Variants in SH3GL2 observed in about 807,000 individuals in gnomAD.
SH3GL2 encodes the protein SH3 domain containing GRB2 like 2, endophilin A1, also known as endophilin-A1.
In SH3GL2, 24 loss-of-function variants were observed where a neutral mutation model predicts 46.0. The observed-to-expected ratio is 0.52, with a 90% confidence interval of 0.38 to 0.73. SH3GL2 has a LOEUF of 0.73. SH3GL2 is among the 30% of genes least tolerant of loss of function. The pLI is 0.00. For synonymous variants in SH3GL2, 196 were observed against 147.1 expected, an observed-to-expected ratio of 1.33 and a Z score of -2.40; for missense variants, 413 against 424.2, an observed-to-expected ratio of 0.97 and a Z score of 0.23.
At chr9:17,765,336 C>A (rs1013439344) in intron 3 of SH3GL2, among the ~76,000 whole-genome samples, 2 of 147,920 alleles carry the variant, frequency 1.4e-5, no homozygotes, top group African/African-American at 5.0e-5. Context: ...GATTACTGCT[C>A]CTGGGTGCTT....
At chr9:17,612,780 G>A (rs576977528) in intron 1 of SH3GL2, among the ~76,000 whole-genome samples, 3 of 152,240 alleles carry the variant, frequency 2.0e-5, no homozygotes, top group Admixed American at 6.5e-5. Context: ...ATTTTGGAAC[G>A]TTTTTACACC....
intron 1 of SH3GL2, among the ~76,000 whole-genome samples, chr9:17,621,767 A>G (rs571338041): frequency 1.8e-4 from 27 of 152,320 alleles, no homozygotes; most frequent in African/African-American, 5.8e-4. Flanking sequence ...AGTTAAAGCC[A>G]TTACATGGAT....
intron 1 of SH3GL2, among the ~76,000 whole-genome samples, chr9:17,693,412 A>G (rs188511448): frequency 2.1e-3 from 317 of 152,284 alleles, no homozygotes; most frequent in Non-Finnish European, 3.4e-3. Flanking sequence ...TCCAACTTCT[A>G]CTTTCTAGGA....
chr9:17,622,228 A>G (rs918580993), intron 1 of SH3GL2, among the ~76,000 whole-genome samples: 4 of 152,204 alleles, frequency 2.6e-5, no homozygotes, highest in Non-Finnish European at 5.9e-5. Flanking sequence ...GGTACATTAA[A>G]AAAAAGTTTG....
At chr9:17,688,677 C>G (rs1820991278) in intron 1 of SH3GL2, among the ~76,000 whole-genome samples, 1 of 151,962 alleles carries the variant, frequency 6.6e-6, no homozygotes, top group South Asian at 2.1e-4. Context: ...AGAGAACATG[C>G]TGATGGGAGT....
chr9:17,723,531 A>C (rs1483984488), intron 1 of SH3GL2, among the ~76,000 whole-genome samples: 1 of 152,166 alleles, frequency 6.6e-6, no homozygotes, highest in Non-Finnish European at 1.5e-5. Context: ...TTGAGATGAA[A>C]TCTGTTAACT....
At chr9:17,675,101 G>T (rs755007625) in intron 1 of SH3GL2, among the ~76,000 whole-genome samples, 3 of 152,102 alleles carry the variant, frequency 2.0e-5, no homozygotes, top group Non-Finnish European at 4.4e-5. Flanking sequence ...AGCATTTTTT[G>T]TACATTGTTG....
chr9:17,676,562 C>T (rs770120185), intron 1 of SH3GL2, among the ~76,000 whole-genome samples: 94 of 152,216 alleles, frequency 6.2e-4, no homozygotes, highest in Non-Finnish European at 1.1e-3. Context: ...GCTGAGATTG[C>T]ACCACTGCAC....
intron 3 of SH3GL2, among the ~76,000 whole-genome samples, chr9:17,785,425 C>T (rs1015941423): frequency 6.6e-6 from 1 of 152,184 alleles, no homozygotes; most frequent in African/African-American, 2.4e-5. Context: ...TTCAATGCCT[C>T]TAAGACTCAA....
chr9:17,757,902 G>A (rs532456754), intron 2 of SH3GL2, among the ~76,000 whole-genome samples: 1 of 152,244 alleles, frequency 6.6e-6, no homozygotes, highest in South Asian at 2.1e-4. Flanking sequence ...GCACATTCAG[G>A]GGTCTCATGG....
intron 1 of SH3GL2, among the ~76,000 whole-genome samples, chr9:17,616,757 G>A (rs1225051065): frequency 6.6e-6 from 1 of 151,866 alleles, no homozygotes; most frequent in Non-Finnish European, 1.5e-5. Context: ...TGTTAATATA[G>A]CCTGTTGGTT....
At chr9:17,605,220 C>A (rs1588167847) in intron 1 of SH3GL2, among the ~76,000 whole-genome samples, 1 of 152,034 alleles carries the variant, frequency 6.6e-6, no homozygotes, top group Admixed American at 6.6e-5. Flanking sequence ...CTCAAATGAT[C>A]CTCTTGTCTT....
At chr9:17,701,012 C>G (rs1335379992) in intron 1 of SH3GL2, among the ~76,000 whole-genome samples, 1 of 152,162 alleles carries the variant, frequency 6.6e-6, no homozygotes, top group Non-Finnish European at 1.5e-5. Context: ...TTGGGCAACT[C>G]ATTTCATAGT....
intron 1 of SH3GL2, among the ~76,000 whole-genome samples, chr9:17,619,720 T>C (rs1489360279): frequency 6.6e-6 from 1 of 152,184 alleles, no homozygotes; most frequent in Admixed American, 6.5e-5. Context: ...CCATAAATTA[T>C]TTAAACATTC....
At chr9:17,779,328 G>C (rs1006164490) in intron 3 of SH3GL2, among the ~76,000 whole-genome samples, 3 of 152,124 alleles carry the variant, frequency 2.0e-5, no homozygotes, top group African/African-American at 7.2e-5. Flanking sequence ...GGAGACTTAG[G>C]GGTTTCCATC....
intron 1 of SH3GL2, among the ~76,000 whole-genome samples, chr9:17,721,689 TGTA>T (rs780616507): frequency 3.6e-4 from 55 of 152,236 alleles, no homozygotes; most frequent in Non-Finnish European, 5.7e-4. Flanking sequence ...ACTATATATT[TGTA>T]GCTTTGAATC....
At chr9:17,588,063 G>A (rs1170657307) in intron 1 of SH3GL2, among the ~76,000 whole-genome samples, 1 of 152,086 alleles carries the variant, frequency 6.6e-6, no homozygotes, top group Non-Finnish European at 1.5e-5. Flanking sequence ...CTGATACTTT[G>A]GCTTAACCAA....
intron 1 of SH3GL2, among the ~76,000 whole-genome samples, chr9:17,654,225 G>A (rs1820019367): frequency 6.6e-6 from 1 of 152,140 alleles, no homozygotes; most frequent in Admixed American, 6.5e-5. Flanking sequence ...CTCCTGTGCT[G>A]CCGAAGACTG....
At chr9:17,621,951 C>CA (rs1317783432) in intron 1 of SH3GL2, among the ~76,000 whole-genome samples, 1 of 152,176 alleles carries the variant, frequency 6.6e-6, no homozygotes, top group Admixed American at 6.5e-5. Flanking sequence ...GTTCTGGCCT[C>CA]AGTTTTCCAC....
Sources: gnomAD v4.1 joint callset for allele counts (sites outside exome capture counted in the v4.1 genomes callset) on GRCh38, gnomAD v4.1.1 for gene constraint, MANE v1.5 for transcripts, NCBI Gene and HGNC (gene_info 2026-07-23, HGNC 2026-07-21) for gene names.